AP2A2: variants seen among roughly 807,000 people sequenced by gnomAD.
The protein encoded by AP2A2 is adaptor related protein complex 2 subunit alpha 2.
Under a neutral mutation model 104.2 loss-of-function variants are expected in AP2A2, and 32 were observed. The ratio of observed to expected loss-of-function variants is 0.31; its 90% CI spans 0.23 to 0.41. The LOEUF is 0.41. Among genes scored for constraint, AP2A2 ranks in the 10% least tolerant of loss-of-function variants. AP2A2 has a pLI of 1.00. For synonymous variants in AP2A2, 539 were observed against 533.3 expected (o/e 1.01, Z -0.15); for missense variants, 912 against 1,261.0 (o/e 0.72, Z 4.19).
intron 2 of AP2A2, among the ~76,000 whole-genome samples, chr11:963,891 G>A (rs1480074978): frequency 6.6e-6 from 1 of 152,260 alleles, no homozygotes; most frequent in Admixed American, 6.5e-5. Flanking sequence ...CTCCCAAAGT[G>A]CTGGGATTAT....
chr11:929,149 G>A (rs1474156723), intron 1 of AP2A2, among the ~76,000 whole-genome samples: 6 of 152,224 alleles, frequency 3.9e-5, no homozygotes, highest in Non-Finnish European at 7.3e-5. Context: ...GCCTGGAGAC[G>A]GGATTGGAGA....
In AP2A2 at chr11:949,150, C is replaced by T. The variant is rs541763707; in HGVS notation, c.68-10287C>T. Among the ~76,000 whole-genome samples, 25 of 151,902 alleles carry T rather than the reference C, an allele frequency of 1.6e-4. No individual in the cohort carries two copies. The South Asian group carries it at 5.0e-3, about 30-fold the overall frequency. On this transcript the variant is annotated intron_variant, in intron 1 of 21. Transcript: ENST00000448903. ...AATTGGATGAGTGTGGTGGCACGCA[C>T]CTTTAGTCCCAGCCACTTGGGAGGC...
At chr11:934,181 G>C (rs896728473) in intron 1 of AP2A2, among the ~76,000 whole-genome samples, 1 of 152,156 alleles carries the variant, frequency 6.6e-6, no homozygotes, top group African/African-American at 2.4e-5. Context: ...ACTCCAGGTC[G>C]AGTGGCAGAC....
Position 1,009,100 on chromosome 11 carries a change from G to A in AP2A2, c.2421G>A (p.Arg807=). ...TEAPVLNIQF[R]YGGTFQNVSV... is the part of the protein sequence containing the mutation. ...TTTCTGCTGCTGCTGCTGCTGGCAG[G>A]TATGGGGGCACCTTCCAGAACGTGT... The change falls in exon 19 of 22, where the codon AGG becomes AGA. Residue 807 remains arginine (R), a splice_region_variant and synonymous_variant. Coordinates refer to ENST00000448903, the MANE Select transcript of AP2A2 (RefSeq NM_012305.4). 1 of 1,611,538 alleles carries A rather than the reference G, an allele frequency of 6.2e-7. No homozygotes were observed. Among genetic ancestry groups the A allele is most frequent in the Non-Finnish European group, 8.5e-7 (1 of 1,179,032 alleles).
chr11:933,143 C>T (rs1487665008), intron 1 of AP2A2, among the ~76,000 whole-genome samples: 1 of 152,136 alleles, frequency 6.6e-6, no homozygotes, highest in South Asian at 2.1e-4. Context: ...TGGCACGTGT[C>T]TGTAATCCCA....
At chr11:991,045 C>T (rs1024887176) in intron 10 of AP2A2, among the ~76,000 whole-genome samples, 6 of 150,744 alleles carry the variant, frequency 4.0e-5, no homozygotes, top group Non-Finnish European at 1.5e-5. Flanking sequence ...GCACGATGCT[C>T]CCCCCACCCC....
Position 985,544 on chromosome 11 carries a change from G to T in AP2A2, c.924G>T (p.Val308=). 1 of 1,613,954 alleles carries T rather than the reference G, an allele frequency of 6.2e-7. No homozygotes were observed. Among genetic ancestry groups the T allele is most frequent in the Non-Finnish European group, 8.5e-7 (1 of 1,179,892 alleles). ...KVQHSNAKNA[V]LFEAISLIIH... is the part of the protein sequence containing the mutation. ...AGCACTCCAACGCGAAGAATGCCGT[G>T]CTCTTCGAGGCCATCAGCTTAATCA... The change falls in exon 8 of 22, where the codon GTG becomes GTT. Residue 308 remains valine (V), a synonymous_variant. Transcript: ENST00000448903.
intron 6 of AP2A2, among the ~76,000 whole-genome samples, chr11:984,378 G>A (rs531377986): frequency 6.6e-6 from 1 of 152,294 alleles, no homozygotes; most frequent in East Asian, 1.9e-4. Context: ...ACAAAGGAAA[G>A]ACTGTAGTTT....
chr11:936,561 ACT>A (rs1853465070), intron 1 of AP2A2, among the ~76,000 whole-genome samples: 1 of 151,492 alleles, frequency 6.6e-6, no homozygotes, highest in Non-Finnish European at 1.5e-5. Context: ...TTTTTAAAAA[ACT>A]TTTTTGTAGA....
At position 992,100 on chromosome 11, in the gene AP2A2, G is replaced by C. The variant is rs923130952; in HGVS notation, c.1270-403G>C. 5.9e-5 allele frequency among the ~76,000 whole-genome samples: 9 copies of C among 152,068 alleles called. No individual in the cohort carries two copies. In the East Asian group the frequency reaches 1.7e-3, roughly 29 times the overall value. Reference sequence around the variant, plus strand: ...AGAGAAGTGGCCGCCGGGAGCCCAGGGTGGCGCAGTCACTGGCCGCCGGGA... The same window carrying C: ...AGAGAAGTGGCCGCCGGGAGCCCAGCGTGGCGCAGTCACTGGCCGCCGGGA... On this transcript the variant is annotated intron_variant, in intron 10 of 21. Coordinates refer to ENST00000448903, the MANE Select transcript of AP2A2 (RefSeq NM_012305.4). This position sits in a 1 kb window ranked among gnomAD's most constrained non-coding sequence, Gnocchi z 6.4.
At chr11:954,026 G>C (rs1854147778) in intron 1 of AP2A2, among the ~76,000 whole-genome samples, 1 of 152,032 alleles carries the variant, frequency 6.6e-6, no homozygotes, top group African/African-American at 2.4e-5. Context: ...GTAGAGACGA[G>C]GTTTCACCAT....
intron 2 of AP2A2, among the ~76,000 whole-genome samples, chr11:959,807 T>G (rs1854367864): frequency 6.6e-6 from 1 of 152,122 alleles, no homozygotes; most frequent in African/African-American, 2.4e-5. Context: ...AGACACCAAG[T>G]ACGGGAAGTG....
intron 1 of AP2A2, among the ~76,000 whole-genome samples, chr11:938,313 T>C (rs1853530308): frequency 6.6e-6 from 1 of 152,178 alleles, no homozygotes; most frequent in Admixed American, 6.5e-5. Context: ...TTTTAAAGCT[T>C]TTGAAATTAT....
rs927929156 is a variant in AP2A2 at position 1,012,214 on chromosome 11, CAAAG to C, written c.*1593_*1596del. ...GGGCCCTCAGTGTGGCACTCCTCGT[CAAAG>C]AAAAATAAAGGCTAGAACTGCACCC... On this transcript the variant is annotated 3_prime_UTR_variant, in exon 22 of 22. Transcript: ENST00000448903. 6.6e-6 allele frequency: 1 copy of C among 152,268 alleles called. No homozygotes were observed. Among genetic ancestry groups the C allele is most frequent in the Non-Finnish European group, 1.5e-5 (1 of 68,094 alleles). 9.4% of individuals were successfully genotyped at this position (152,268 alleles called of 1,614,324 possible).
Position 931,174 on chromosome 11 carries a change from G to A in AP2A2, c.67+5086G>A, listed in dbSNP as rs1853280581. Among the ~76,000 whole-genome samples, 2 of 152,084 alleles carry A rather than the reference G, an allele frequency of 1.3e-5. 1 individual carries two copies. The highest frequency in any genetic ancestry group is 4.1e-4 in the South Asian group (2 of 4,820). ...TTCCCCCTCAGTACAGTCCCATCGA[G>A]GTCCATTCAGGCTGGTGCATTGATT... is the stretch of plus-strand genomic sequence containing the variant. On this transcript the variant is annotated intron_variant, in intron 1 of 21. Coordinates refer to ENST00000448903, the MANE Select transcript of AP2A2 (RefSeq NM_012305.4).
At chr11:953,575 G>A (rs1159140616) in intron 1 of AP2A2, among the ~76,000 whole-genome samples, 1 of 151,842 alleles carries the variant, frequency 6.6e-6, no homozygotes. Context: ...TCACACAGTG[G>A]CCTGCCTGGC....
chr11:928,421 C>T (rs1313122417), intron 1 of AP2A2, among the ~76,000 whole-genome samples: 1 of 152,150 alleles, frequency 6.6e-6, no homozygotes, highest in Admixed American at 6.6e-5. Context: ...TTTCAGGCAC[C>T]CACTGAGTGC....
In AP2A2 at chr11:992,813, T is replaced by G. The variant is rs535223514; in HGVS notation, c.1452+128T>G. ...GCTGACCCCTCTTGCCCCTCAGCTC[T>G]TCCCTGAGGCTCTAGCTCCTCCACT... On this transcript the variant is annotated intron_variant, in intron 11 of 21. Transcript: ENST00000448903. This position sits in a 1 kb window ranked among gnomAD's most constrained non-coding sequence, Gnocchi z 6.4. 4.2e-6 allele frequency: 4 copies of G among 943,730 alleles called. No individual in the cohort carries two copies. The highest frequency in any genetic ancestry group is 3.1e-5 in the South Asian group (2 of 65,182). The allele number at this position is 943,730 out of a possible 1,614,324, so 58.5% of individuals were successfully genotyped here.
rs903227957 is a variant in AP2A2, at chr11:993,226, G to T, written c.1453-58G>T. The T allele has an allele frequency of 1.4e-6, 2 of 1,424,392 alleles. No homozygotes were observed. The highest frequency in any genetic ancestry group is 2.3e-5 in the Admixed American group (1 of 44,354). 88.2% of individuals were successfully genotyped at this position (1,424,392 alleles called of 1,614,324 possible). ...GGGTGCACCGCGCCAGGACGTGCCC[G>T]CCTCGCCTTAACTCTGGCACCTGGC... On this transcript the variant is annotated intron_variant, in intron 11 of 21. Transcript: ENST00000448903. This position sits in a 1 kb window ranked among gnomAD's most constrained non-coding sequence, Gnocchi z 8.2.
Sources: gnomAD v4.1 joint callset for allele counts (sites outside exome capture counted in the v4.1 genomes callset) on GRCh38, gnomAD v4.1.1 for gene constraint, Gnocchi (gnomAD v3.1) non-coding constraint, MANE v1.5 for transcripts, NCBI Gene and HGNC (gene_info 2026-07-23, HGNC 2026-07-21) for gene names.